The following IQGAP2 variants were observed in gnomAD, a reference collection of about 807,000 sequenced individuals.
IQGAP2 encodes the protein ras GTPase-activating-like protein IQGAP2.
Under a neutral mutation model 201.3 loss-of-function variants are expected in IQGAP2, and 173 were observed. The ratio of observed to expected loss-of-function variants is 0.86; its 90% CI spans 0.76 to 0.98. IQGAP2 has a LOEUF of 0.98. Among genes scored for constraint, IQGAP2 ranks in the 50% least tolerant of loss-of-function variants. IQGAP2 has a pLI of 0.00. For missense variants in IQGAP2, 1,687 were observed against 1,864.8 expected, an observed-to-expected ratio of 0.90 and a Z score of 1.76; for synonymous variants, 675 against 673.9, an observed-to-expected ratio of 1.00 and a Z score of -0.03.
chr5:76,499,119 T>G (rs1161777015), intron 2 of IQGAP2, among the ~76,000 whole-genome samples: 3 of 152,110 alleles, frequency 2.0e-5, no homozygotes, highest in Non-Finnish European at 4.4e-5. Flanking sequence ...GGCAGGGAAT[T>G]TGGGTTCTAA....
chr5:76,661,717 A>C (rs1296427572), intron 21 of IQGAP2, among the ~76,000 whole-genome samples: 1 of 152,202 alleles, frequency 6.6e-6, no homozygotes, highest in Non-Finnish European at 1.5e-5. Context: ...CACTCACTCT[A>C]CAGATGAGGA....
At chr5:76,496,727 T>G (rs1222894291) in intron 2 of IQGAP2, among the ~76,000 whole-genome samples, 4 of 29,536 alleles carry the variant, frequency 1.4e-4, no homozygotes, top group Non-Finnish European at 2.4e-4. Context: ...TTTCTTTCTT[T>G]TCTTTCTTTC....
intron 21 of IQGAP2, 23 bp from the exon 22 acceptor site, chr5:76,665,003 T>C: frequency 7.4e-7 from 1 of 1,349,362 alleles, no homozygotes; most frequent in Non-Finnish European, 1.1e-6. Context: ...TAAAAAGGAG[T>C]AATCTCATCA....
intron 1 of IQGAP2, among the ~76,000 whole-genome samples, chr5:76,460,518 AG>A (rs1754383618): frequency 1.3e-5 from 2 of 151,776 alleles, no homozygotes; most frequent in South Asian, 4.2e-4. Flanking sequence ...TGAGTGGAAA[AG>A]GGGTAGTGGC....
rs1742971822 is a variant in IQGAP2, at chr5:76,658,652, C to T, written c.2514C>T (p.Asn838=). The T allele has an allele frequency of 1.9e-6, 3 of 1,613,722 alleles. No individual in the cohort carries two copies. Among genetic ancestry groups the T allele is most frequent in the Non-Finnish European group, 2.5e-6 (3 of 1,179,862 alleles). ...MDIKIGLLVK[N]RITLEDVISH... ...TCAAGATTGGACTGCTGGTGAAGAA[C>T]AGGATCACACTAGAGGTCAGTGGGG... is the stretch of plus-strand genomic sequence containing the variant. The change falls in exon 21 of 36, where the codon AAC becomes AAT. Residue 838 remains asparagine, a synonymous_variant. Coordinates refer to ENST00000274364, the MANE Select transcript of IQGAP2 (RefSeq NM_006633.5).
intron 1 of IQGAP2, 147 bp from the exon 2 acceptor site, chr5:76,461,423 C>A: frequency 2.0e-6 from 1 of 504,554 alleles, no homozygotes; most frequent in Non-Finnish European, 3.5e-6. Context: ...AATCCAAAGG[C>A]AAATTTCTCT....
chr5:76,496,765 C>CTT (rs754861584), intron 2 of IQGAP2, among the ~76,000 whole-genome samples: 4 of 71,980 alleles, frequency 5.6e-5, no homozygotes, highest in African/African-American at 2.8e-4. Context: ...TTCTTTCTTT[C>CTT]TTTCTTTCTT....
intron 1 of IQGAP2, among the ~76,000 whole-genome samples, chr5:76,433,112 A>G (rs1752467203): frequency 6.6e-6 from 1 of 152,124 alleles, no homozygotes; most frequent in South Asian, 2.1e-4. Flanking sequence ...CCTGGGAGGT[A>G]CCCCAAATAC....
At chr5:76,683,643 G>A (rs1160879695) in intron 29 of IQGAP2, 133 bp from the exon 30 acceptor site, 2 of 707,172 alleles carry the variant, frequency 2.8e-6, no homozygotes, top group Admixed American at 6.7e-5. Flanking sequence ...AGTAGAATGT[G>A]GGTTTTGTAA....
At position 76,658,497 on chromosome 5, in the gene IQGAP2, T is replaced by G. The variant is rs764822544; in HGVS notation, c.2359T>G (p.Phe787Val). 2 of 1,613,848 alleles carry G rather than the reference T, an allele frequency of 1.2e-6. No homozygotes were observed. Among genetic ancestry groups the G allele is most frequent in the Middle Eastern group, 1.6e-4 (1 of 6,084 alleles). ...ENPPLTVIRK[F>V]VYLLDQSDLD... The stretch of plus-strand genomic sequence containing the variant: ...CCCACCATTAACAGTAATTCGCAAA[T>G]TTGTATACCTGCTGGACCAAAGTGA... Residue 787 changes from phenylalanine to valine, a missense_variant, in exon 21 of 36, where the codon TTT becomes GTT. Physicochemically the swap from Phe to Val is conservative, Grantham distance 50 (BLOSUM62 -1). Coordinates refer to ENST00000274364, the MANE Select transcript of IQGAP2 (RefSeq NM_006633.5).
intron 9 of IQGAP2, among the ~76,000 whole-genome samples, chr5:76,594,367 T>G (rs1206335005): frequency 3.3e-5 from 5 of 152,242 alleles, no homozygotes; most frequent in African/African-American, 9.6e-5. Flanking sequence ...ATAAAATGCT[T>G]TATATAAATG....
intron 16 of IQGAP2, 93 bp downstream of exon 16, chr5:76,637,269 T>C (rs1200052343): frequency 4.1e-5 from 42 of 1,029,656 alleles, no homozygotes; most frequent in Non-Finnish European, 4.8e-5. Flanking sequence ...TGAGAGGAAC[T>C]AACTGATTTA....
chr5:76,616,676 T>G (rs1252473650), intron 13 of IQGAP2: 1 of 152,058 alleles, frequency 6.6e-6, no homozygotes, highest in African/African-American at 2.4e-5. Flanking sequence ...ACAGTGAGAC[T>G]CCATCTCTGC....
intron 1 of IQGAP2, among the ~76,000 whole-genome samples, chr5:76,411,077 C>T (rs1457327008): frequency 2.0e-5 from 3 of 152,230 alleles, no homozygotes; most frequent in African/African-American, 7.2e-5. Flanking sequence ...AGGCAGATGC[C>T]CAGGCCCCAC....
At chr5:76,637,290 G>A in intron 16 of IQGAP2, 114 bp downstream of exon 16, 2 of 827,790 alleles carry the variant, frequency 2.4e-6, no homozygotes, top group South Asian at 2.1e-5. Flanking sequence ...TCTGAAGTCT[G>A]GATATGTAAT....
At chr5:76,670,419 C>T (rs962878452) in intron 23 of IQGAP2, among the ~76,000 whole-genome samples, 2 of 152,054 alleles carry the variant, frequency 1.3e-5, no homozygotes, top group Admixed American at 6.5e-5. Flanking sequence ...GAGGCTGAGA[C>T]GGGAGAATGG....
chr5:76,612,431 G>T (rs886562097), intron 13 of IQGAP2, among the ~76,000 whole-genome samples: 7 of 152,178 alleles, frequency 4.6e-5, no homozygotes, highest in Non-Finnish European at 8.8e-5. Context: ...AGAGGTAGAG[G>T]TTGCAGCGAG....
chr5:76,623,607 T>C (rs1049148632), intron 13 of IQGAP2, among the ~76,000 whole-genome samples: 4 of 152,222 alleles, frequency 2.6e-5, no homozygotes, highest in African/African-American at 9.6e-5. Context: ...CAAAAACAGA[T>C]GTTGAACAGC....
chr5:76,701,747 A>G (rs1421626766), intron 34 of IQGAP2: 1 of 152,638 alleles, frequency 6.6e-6, no homozygotes, highest in Non-Finnish European at 1.5e-5. Context: ...AGCCAGACTC[A>G]CTGGCATTTG....
Sources: gnomAD v4.1 joint callset for allele counts (sites outside exome capture counted in the v4.1 genomes callset) on GRCh38, gnomAD v4.1.1 for gene constraint, MANE v1.5 for transcripts, NCBI Gene and HGNC (gene_info 2026-07-23, HGNC 2026-07-21) for gene names.